Variants in NCOA7 observed in about 807,000 individuals in gnomAD.
NCOA7 encodes 140 kDa estrogen receptor-associated protein.
NCOA7 carries 45 observed loss-of-function variants against 104.3 expected under a neutral mutation model. The ratio of observed to expected loss-of-function variants is 0.43; its 90% CI spans 0.34 to 0.55. The LOEUF is 0.55. NCOA7 is among the 20% of genes least tolerant of loss of function. The pLI is 0.02. For missense variants in NCOA7, 1,041 were observed against 1,119.7 expected (o/e 0.93, Z 1.00); for synonymous variants, 398 against 402.3 (o/e 0.99, Z 0.13).
chr6:125,876,024 C>T (rs1026453548), intron 4 of NCOA7, among the ~76,000 whole-genome samples: 1 of 152,174 alleles, frequency 6.6e-6, no homozygotes, highest in African/African-American at 2.4e-5. Context: ...TTTTAATTCA[C>T]TATTAAGTAG....
At chr6:125,839,891 T>C (rs890177318) in intron 2 of NCOA7, among the ~76,000 whole-genome samples, 8 of 152,096 alleles carry the variant, frequency 5.3e-5, no homozygotes, top group African/African-American at 1.7e-4. Flanking sequence ...TTGATAATGA[T>C]GATAAATGAC....
At chr6:125,781,176 G>A (rs942316708) in exon 1 of NCOA7, 5 of 152,230 alleles carry the variant, frequency 3.3e-5, no homozygotes. Flanking sequence ...CCCTCATAAA[G>A]TAGATGCAGA....
intron 12 of NCOA7, 77 bp downstream of exon 12, chr6:125,921,145 C>T (rs1787541313): frequency 6.5e-7 from 1 of 1,542,290 alleles, no homozygotes. Flanking sequence ...TACAGTGGCT[C>T]ATGCCTGTAA....
intron 1 of NCOA7, among the ~76,000 whole-genome samples, chr6:125,801,527 G>A (rs1775886131): frequency 6.6e-6 from 1 of 152,168 alleles, no homozygotes; most frequent in South Asian, 2.1e-4. Flanking sequence ...CCATGACAAA[G>A]TACCAGAAGC....
intron 2 of NCOA7, among the ~76,000 whole-genome samples, chr6:125,849,171 C>G (rs981268115): frequency 6.6e-6 from 1 of 152,176 alleles, no homozygotes; most frequent in African/African-American, 2.4e-5. Context: ...GAAGAAAACC[C>G]GTTTTCATTC....
At chr6:125,919,164 C>A in intron 11 of NCOA7, 1 of 1,404,756 alleles carries the variant, frequency 7.1e-7, no homozygotes, top group Non-Finnish European at 9.5e-7. Context: ...TGCTCTAAAT[C>A]CTAATTTGGG....
At chr6:125,880,379 T>C (rs1327560957) in intron 5 of NCOA7, among the ~76,000 whole-genome samples, 1 of 152,074 alleles carries the variant, frequency 6.6e-6, no homozygotes, top group Non-Finnish European at 1.5e-5. Flanking sequence ...GTCTCCCACC[T>C]TGGAGGGCTC....
chr6:125,917,243 G>A (rs183625423), intron 11 of NCOA7, among the ~76,000 whole-genome samples: 1 of 150,446 alleles, frequency 6.6e-6, no homozygotes, highest in Admixed American at 6.6e-5. Flanking sequence ...AAACAGTTAT[G>A]TTTTGGAAAC....
At chr6:125,919,158 C>G in intron 11 of NCOA7, 2 of 1,377,866 alleles carry the variant, frequency 1.5e-6, no homozygotes, top group Non-Finnish European at 1.9e-6. Flanking sequence ...TGTGTTTGCT[C>G]TAAATCCTAA....
chr6:125,916,575 G>A (rs890640555), intron 11 of NCOA7, among the ~76,000 whole-genome samples: 36 of 152,202 alleles, frequency 2.4e-4, no homozygotes, highest in African/African-American at 8.7e-4. Context: ...TTCCTGTTCT[G>A]CTGCTCTCTT....
At chr6:125,862,449 T>G (rs1402013033) in intron 3 of NCOA7, among the ~76,000 whole-genome samples, 1 of 137,894 alleles carries the variant, frequency 7.3e-6, no homozygotes, top group Non-Finnish European at 1.5e-5. Flanking sequence ...TTTTTCAAGG[T>G]CAAAGACAAG....
intron 1 of NCOA7, among the ~76,000 whole-genome samples, chr6:125,806,245 G>A (rs1282129379): frequency 6.6e-6 from 1 of 152,182 alleles, no homozygotes; most frequent in Non-Finnish European, 1.5e-5. Context: ...GGAGGCTGAG[G>A]CAGGAGAATC....
At chr6:125,798,707 C>G (rs1775580072) in intron 1 of NCOA7, among the ~76,000 whole-genome samples, 1 of 152,068 alleles carries the variant, frequency 6.6e-6, no homozygotes, top group African/African-American at 2.4e-5. Flanking sequence ...AAGTGACAAA[C>G]TTACTTTTTT....
intron 11 of NCOA7, among the ~76,000 whole-genome samples, chr6:125,918,396 C>G (rs1019744926): frequency 4.6e-5 from 7 of 152,166 alleles, no homozygotes; most frequent in African/African-American, 1.7e-4. Context: ...CAGGCTGTTG[C>G]ATTGAGAGTC....
intron 2 of NCOA7, among the ~76,000 whole-genome samples, chr6:125,846,364 T>TAA (rs1562892825): frequency 0.015 from 643 of 41,548 alleles, 3 homozygotes; most frequent in African/African-American, 0.031. Flanking sequence ...AAAAAAAATT[T>TAA]TTTTTTTTTT....
chr6:125,897,393 G>T (rs1785118486), intron 10 of NCOA7, among the ~76,000 whole-genome samples: 1 of 152,150 alleles, frequency 6.6e-6, no homozygotes, highest in Non-Finnish European at 1.5e-5. Flanking sequence ...AGTTAAATAT[G>T]TTTCATACTT....
At chr6:125,834,612 G>A (rs1779461353) in intron 2 of NCOA7, among the ~76,000 whole-genome samples, 1 of 152,174 alleles carries the variant, frequency 6.6e-6, no homozygotes. Flanking sequence ...GCAGACCAAT[G>A]ATATCTCAAG....
intron 3 of NCOA7, among the ~76,000 whole-genome samples, chr6:125,868,262 T>C (rs1329376103): frequency 6.6e-6 from 1 of 152,254 alleles, no homozygotes; most frequent in Non-Finnish European, 1.5e-5. Context: ...ACTATATCAC[T>C]GCTGTATTTC....
At chr6:125,814,077 T>C (rs2128570062) in intron 1 of NCOA7, among the ~76,000 whole-genome samples, 1 of 152,318 alleles carries the variant, frequency 6.6e-6, no homozygotes, top group African/African-American at 2.4e-5. Context: ...GTATGTATTG[T>C]GGATTAATTT....
Sources: allele counts gnomAD v4.1 joint callset (sites outside exome capture counted in the v4.1 genomes callset), GRCh38; gene constraint gnomAD v4.1.1; transcripts MANE v1.5; gene names NCBI Gene and HGNC (gene_info 2026-07-23, HGNC 2026-07-21).